NFATC3: variants seen among roughly 807,000 people sequenced by gnomAD.
NFATC3 encodes nuclear factor of activated T cells 3.
In NFATC3, 46 loss-of-function variants were observed where a neutral mutation model predicts 98.6. That is an observed-to-expected ratio of 0.47 (90% CI 0.37 to 0.60). The LOEUF is 0.60. Ranked by LOEUF, NFATC3 falls within the 20% of genes least tolerant of loss-of-function variation. NFATC3 has a pLI of 0.00. For synonymous variants in NFATC3, 512 were observed against 472.2 expected (o/e 1.08, Z -1.09); for missense variants, 1,256 against 1,295.5 (o/e 0.97, Z 0.47).
chr16:68,192,230 A>AAAATATATATAT (rs1555522047), intron 9 of NFATC3: 5 of 82,582 alleles, frequency 6.1e-5, no homozygotes, highest in African/African-American at 2.3e-4. Context: ...AAAAAAAAAA[A>AAAATATATATAT]ATATATATAT....
intron 1 of NFATC3, among the ~76,000 whole-genome samples, chr16:68,115,255 G>A (rs1408820295): frequency 6.6e-6 from 1 of 151,844 alleles, no homozygotes; most frequent in Non-Finnish European, 1.5e-5. Context: ...GTAGAGATGA[G>A]GTTTTGCCAT....
At chr16:68,207,005 T>TTA (rs1254227714) in intron 9 of NFATC3, among the ~76,000 whole-genome samples, 12 of 111,284 alleles carry the variant, frequency 1.1e-4, no homozygotes, top group African/African-American at 4.1e-4. Flanking sequence ...GCATACATAT[T>TTA]AAAAAAAAAA....
chr16:68,137,916 G>A (rs763486662), intron 3 of NFATC3, among the ~76,000 whole-genome samples: 3 of 151,862 alleles, frequency 2.0e-5, no homozygotes, highest in Admixed American at 6.6e-5. Flanking sequence ...CACCGTGCCC[G>A]GCCGTATGTT....
At chr16:68,118,812 T>C (rs534572946) in intron 1 of NFATC3, among the ~76,000 whole-genome samples, 1 of 152,364 alleles carries the variant, frequency 6.6e-6, no homozygotes, top group African/African-American at 2.4e-5. Flanking sequence ...TGTCTCACTT[T>C]CTTTATTTCA....
chr16:68,212,107 G>A (rs909709183), intron 9 of NFATC3, among the ~76,000 whole-genome samples: 1 of 152,212 alleles, frequency 6.6e-6, no homozygotes, highest in Non-Finnish European at 1.5e-5. Context: ...GGATTCAGTT[G>A]TGGAGATTGG....
At chr16:68,179,627 T>G (rs761249249) in intron 6 of NFATC3, among the ~76,000 whole-genome samples, 2 of 152,136 alleles carry the variant, frequency 1.3e-5, no homozygotes, top group African/African-American at 4.8e-5. Flanking sequence ...AAAGAATGCT[T>G]TGGAATAATT....
chr16:68,151,940 G>A (rs1452542369), intron 3 of NFATC3, among the ~76,000 whole-genome samples: 1 of 151,776 alleles, frequency 6.6e-6, no homozygotes, highest in East Asian at 1.9e-4. Flanking sequence ...GTGGTGGCAG[G>A]CACCTGTAAT....
intron 3 of NFATC3, among the ~76,000 whole-genome samples, chr16:68,147,831 C>T (rs975367112): frequency 1.3e-5 from 2 of 149,900 alleles, no homozygotes; most frequent in Non-Finnish European, 3.0e-5. Context: ...TCTCTACCTT[C>T]ATTTTTTTTT....
intron 8 of NFATC3, among the ~76,000 whole-genome samples, chr16:68,189,882 A>G (rs933769341): frequency 6.6e-6 from 1 of 152,158 alleles, no homozygotes; most frequent in African/African-American, 2.4e-5. Flanking sequence ...TGGGCAACAC[A>G]GTAAGACTTT....
chr16:68,141,040 A>G (rs1389411143), intron 3 of NFATC3, among the ~76,000 whole-genome samples: 1 of 152,174 alleles, frequency 6.6e-6, no homozygotes, highest in African/African-American at 2.4e-5. Flanking sequence ...AAGTGAAAAC[A>G]TACTGACTTT....
chr16:68,206,331 C>T (rs2041142849), intron 9 of NFATC3, among the ~76,000 whole-genome samples: 1 of 152,114 alleles, frequency 6.6e-6, no homozygotes, highest in Non-Finnish European at 1.5e-5. Flanking sequence ...TAACCACCAC[C>T]ACTTTCTATT....
At chr16:68,145,234 C>T (rs1214221424) in intron 3 of NFATC3, among the ~76,000 whole-genome samples, 1 of 151,850 alleles carries the variant, frequency 6.6e-6, no homozygotes, top group Non-Finnish European at 1.5e-5. Context: ...ACCTCAGACT[C>T]ACAGGCCCAA....
chr16:68,174,642 T>C lies in NFATC3; in HGVS notation c.1915+128T>C, dbSNP rs2039604975. 3.1e-5 allele frequency: 22 copies of C among 702,430 alleles called. No homozygotes were observed. The Admixed American group carries it at 3.3e-4, about 11-fold the overall frequency. 43.5% of individuals were successfully genotyped at this position (702,430 alleles called of 1,614,324 possible). A position where few individuals can be genotyped will look rare whatever the true frequency, so the allele number is the denominator to read the frequency against. ...GCTATGGGTGTCATTTTGCACTTGATTTTATTTTAAACCAAACATTTATTA... is the reference window on the plus strand; with the variant it reads ...GCTATGGGTGTCATTTTGCACTTGACTTTATTTTAAACCAAACATTTATTA... On this transcript the variant is annotated intron_variant, in intron 6 of 9. Coordinates refer to ENST00000346183, the MANE Select transcript of NFATC3 (RefSeq NM_173165.3).
intron 3 of NFATC3, among the ~76,000 whole-genome samples, chr16:68,144,925 T>G (rs2037958098): frequency 6.6e-6 from 1 of 152,134 alleles, no homozygotes; most frequent in Admixed American, 6.6e-5. Flanking sequence ...CCCAAAGTGC[T>G]GGGATTACAG....
At chr16:68,138,535 G>T (rs1175627423) in intron 3 of NFATC3, 2 of 1,286,162 alleles carry the variant, frequency 1.6e-6, no homozygotes, top group South Asian at 2.5e-5. Context: ...TTCATCTTTT[G>T]ATGTCGTCTT....
At chr16:68,169,310 C>T (rs917534041) in intron 5 of NFATC3, among the ~76,000 whole-genome samples, 1 of 152,028 alleles carries the variant, frequency 6.6e-6, no homozygotes, top group Non-Finnish European at 1.5e-5. Flanking sequence ...ACTCTTTTGC[C>T]CAGGCTGGAG....
chr16:68,089,433 CTTAT>C (rs1000584242), intron 1 of NFATC3: 5 of 303,574 alleles, frequency 1.6e-5, no homozygotes, highest in East Asian at 1.7e-4. Context: ...CGTCAGCTTT[CTTAT>C]TTATTTATTT....
chr16:68,124,485 T>G (rs1350207298), intron 2 of NFATC3, among the ~76,000 whole-genome samples: 7 of 149,078 alleles, frequency 4.7e-5, no homozygotes, highest in Admixed American at 1.4e-4. Flanking sequence ...CAGGCTGGAG[T>G]GCAATGGCGC....
chr16:68,156,813 C>CAG (rs2038642735), intron 3 of NFATC3, among the ~76,000 whole-genome samples: 2 of 151,720 alleles, frequency 1.3e-5, no homozygotes, highest in African/African-American at 4.8e-5. Flanking sequence ...TTGGTGGGTG[C>CAG]CTGTAATCCC....
Sources: gnomAD v4.1 joint callset for allele counts (sites outside exome capture counted in the v4.1 genomes callset) on GRCh38, gnomAD v4.1.1 for gene constraint, MANE v1.5 for transcripts, NCBI Gene and HGNC (gene_info 2026-07-23, HGNC 2026-07-21) for gene names.